The following AUH variants were observed in gnomAD, a reference collection of about 807,000 sequenced individuals.
AUH encodes the protein methylglutaconyl-CoA hydratase, mitochondrial.
AUH carries 29 observed loss-of-function variants against 42.3 expected under a neutral mutation model. The observed-to-expected ratio is 0.69, with a 90% CI of 0.51 to 0.93. The LOEUF (loss-of-function observed/expected upper bound fraction) is 0.93. AUH is among the 40% of genes least tolerant of loss of function. The pLI, the probability that AUH is intolerant of heterozygous loss-of-function variation, is 0.00. For synonymous variants in AUH, 174 were observed against 166.4 expected (o/e 1.05, Z -0.35); for missense variants, 452 against 438.1 (o/e 1.03, Z -0.28).
chr9:91,361,826 G>A lies in AUH; in HGVS notation c.64C>T (p.Leu22=), dbSNP rs1206645399. The change falls in exon 1 of 10, where the codon CTG becomes TTG. Residue 22 remains leucine, a synonymous_variant. Coordinates refer to ENST00000375731, the MANE Select transcript of AUH (RefSeq NM_001698.3). ...AGCCACGCACTGCAAGCGGCCACCAGGCGGGCGCCGCCAGCATGCAGGGAT... is the reference window on the plus strand; with the variant it reads ...AGCCACGCACTGCAAGCGGCCACCAAGCGGGCGCCGCCAGCATGCAGGGAT... The part of the protein sequence containing the change: ...LGSLHAGGAR[L]VAACSAWLCP... 4 of 1,504,806 alleles carry A rather than the reference G, an allele frequency of 2.7e-6. No individual in the cohort carries two copies. In the African/African-American group the frequency reaches 4.4e-5, roughly 16 times the overall value. 93.2% of individuals were successfully genotyped at this position (1,504,806 alleles called of 1,614,324 possible).
chr9:91,269,860 T>TA (rs1824974249), intron 6 of AUH, among the ~76,000 whole-genome samples: 1 of 152,102 alleles, frequency 6.6e-6, no homozygotes. Flanking sequence ...AAAAAAACAT[T>TA]GCCAAATCCC....
chr9:91,299,753 C>T (rs1473415552), intron 4 of AUH, among the ~76,000 whole-genome samples: 1 of 152,160 alleles, frequency 6.6e-6, no homozygotes, highest in Non-Finnish European at 1.5e-5. Flanking sequence ...TGAGCTACTA[C>T]AAGTAGAATG....
At chr9:91,218,152 G>T (rs1826934839) in intron 7 of AUH, among the ~76,000 whole-genome samples, 2 of 152,154 alleles carry the variant, frequency 1.3e-5, no homozygotes, top group African/African-American at 4.8e-5. Context: ...AAGGACTCTT[G>T]GATGGTGACA....
chr9:91,283,410 G>A (rs1245259004), intron 6 of AUH, among the ~76,000 whole-genome samples: 1 of 152,136 alleles, frequency 6.6e-6, no homozygotes, highest in Non-Finnish European at 1.5e-5. Flanking sequence ...ACAAGACAGG[G>A]ATGCCCTCTC....
chr9:91,259,510 G>T (rs1037449358), intron 6 of AUH, among the ~76,000 whole-genome samples: 1 of 151,476 alleles, frequency 6.6e-6, no homozygotes, highest in Admixed American at 6.6e-5. Flanking sequence ...TATTTCACTA[G>T]TTTCCTCTTT....
At chr9:91,250,389 TTA>T (rs1829060572) in intron 6 of AUH, among the ~76,000 whole-genome samples, 1 of 152,186 alleles carries the variant, frequency 6.6e-6, no homozygotes, top group African/African-American at 2.4e-5. Context: ...CAGTGTCTAT[TTA>T]TTACATTTTC....
chr9:91,361,378 G>A (rs549636112), intron 1 of AUH, among the ~76,000 whole-genome samples: 1 of 152,308 alleles, frequency 6.6e-6, no homozygotes, highest in South Asian at 2.1e-4. Context: ...TCTGTTTGCC[G>A]CGCTGAATGC....
At chr9:91,265,888 A>T (rs1829949712) in intron 6 of AUH, among the ~76,000 whole-genome samples, 1 of 152,046 alleles carries the variant, frequency 6.6e-6, no homozygotes, top group Admixed American at 6.5e-5. Context: ...TATATATCTC[A>T]TTTGTTGATG....
chr9:91,293,289 G>A (rs1253693454), intron 6 of AUH, among the ~76,000 whole-genome samples: 2 of 152,230 alleles, frequency 1.3e-5, no homozygotes, highest in African/African-American at 4.8e-5. Flanking sequence ...TAGTGAGGAA[G>A]GCATGTCAAA....
intron 7 of AUH, 86 bp downstream of exon 7, chr9:91,220,719 C>T: frequency 1.4e-6 from 2 of 1,474,902 alleles, no homozygotes; most frequent in Non-Finnish European, 1.9e-6. Flanking sequence ...GGGACTTCTT[C>T]CATAGGCAAG....
At chr9:91,297,133 A>G (rs933286158) in intron 5 of AUH, among the ~76,000 whole-genome samples, 1 of 152,222 alleles carries the variant, frequency 6.6e-6, no homozygotes, top group African/African-American at 2.4e-5. Context: ...CGTTGCTCTC[A>G]TGAGGTAACA....
intron 6 of AUH, among the ~76,000 whole-genome samples, chr9:91,250,223 T>G (rs1829052605): frequency 1.3e-5 from 2 of 152,046 alleles, no homozygotes; most frequent in Non-Finnish European, 2.9e-5. Flanking sequence ...GCCCTCCCAG[T>G]GCACACCCAC....
intron 6 of AUH, among the ~76,000 whole-genome samples, chr9:91,265,829 C>T (rs573463148): frequency 3.6e-4 from 55 of 152,326 alleles, no homozygotes; most frequent in African/African-American, 1.3e-3. Context: ...TAGGCTAGGG[C>T]TTTTCAACCC....
intron 6 of AUH, among the ~76,000 whole-genome samples, chr9:91,237,936 T>G (rs1377543845): frequency 6.6e-6 from 1 of 152,216 alleles, no homozygotes; most frequent in African/African-American, 2.4e-5. Flanking sequence ...GATTTTGCAT[T>G]GAGATTCAAA....
At chr9:91,282,391 C>A (rs1826039254) in intron 6 of AUH, among the ~76,000 whole-genome samples, 1 of 152,000 alleles carries the variant, frequency 6.6e-6, no homozygotes, top group Non-Finnish European at 1.5e-5. Flanking sequence ...TTATCATGTG[C>A]TAGGTCTACT....
chr9:91,347,639 A>C (rs546894917), intron 3 of AUH, among the ~76,000 whole-genome samples: 24 of 152,352 alleles, frequency 1.6e-4, no homozygotes, highest in Non-Finnish European at 2.9e-4. Context: ...ACCAAGAACA[A>C]GGGCAAAGAC....
chr9:91,284,092 A>G (rs561099360), intron 6 of AUH, among the ~76,000 whole-genome samples: 35 of 152,318 alleles, frequency 2.3e-4, no homozygotes, highest in Admixed American at 5.9e-4. Flanking sequence ...CCAAAACAGC[A>G]TGGTACTGGT....
chr9:91,282,632 T>C (rs933566028), intron 6 of AUH, among the ~76,000 whole-genome samples: 1 of 151,964 alleles, frequency 6.6e-6, no homozygotes, highest in Non-Finnish European at 1.5e-5. Context: ...ATCTTGGTGA[T>C]GGCTCCGATC....
chr9:91,221,963 C>A (rs995865088), intron 6 of AUH, among the ~76,000 whole-genome samples: 7 of 152,194 alleles, frequency 4.6e-5, no homozygotes, highest in Non-Finnish European at 8.8e-5. Flanking sequence ...TCAGCATTCA[C>A]CTAAATCTCA....
Sources: allele counts gnomAD v4.1 joint callset (sites outside exome capture counted in the v4.1 genomes callset), GRCh38; gene constraint gnomAD v4.1.1; transcripts MANE v1.5; gene names NCBI Gene and HGNC (gene_info 2026-07-23, HGNC 2026-07-21).